Variants in CAPS2 observed in about 807,000 individuals in gnomAD.
CAPS2 encodes calcyphosine 2.
In CAPS2, 98 loss-of-function variants were observed where a neutral mutation model predicts 86.5. The ratio of observed to expected loss-of-function variants is 1.13; its 90% CI spans 0.96 to 1.34. The LOEUF (loss-of-function observed/expected upper bound fraction) is 1.34. Among genes scored for constraint, CAPS2 ranks in the 40% most tolerant of loss-of-function variants. CAPS2 has a pLI of 0.00. For missense variants in CAPS2, 729 were observed against 686.8 expected (o/e 1.06, Z -0.69); for synonymous variants, 210 against 225.1 (o/e 0.93, Z 0.60).
rs1470310601 is a variant in CAPS2 at position 75,390,694 on chromosome 12, A to G, written c.-395+144T>C. 6 of 431,524 alleles carry G rather than the reference A, an allele frequency of 1.4e-5. No homozygotes were observed. In the East Asian group the frequency reaches 4.3e-4, roughly 31 times the overall value. 26.7% of individuals were successfully genotyped at this position (431,524 alleles called of 1,614,324 possible). A position where few individuals can be genotyped will look rare whatever the true frequency, so the allele number is the denominator to read the frequency against. Reference sequence around the variant, plus strand: ...AAAAATCATTTCACCTGGCACAATTAGAAGGTTCCTCAGACCTGTTACTCA... The same window carrying G: ...AAAAATCATTTCACCTGGCACAATTGGAAGGTTCCTCAGACCTGTTACTCA... On this transcript the variant is annotated intron_variant, in intron 1 of 5. Coordinates refer to the CAPS2 transcript ENST00000551829.
chr12:75,324,093 A>G (rs1277197972), intron 2 of CAPS2, among the ~76,000 whole-genome samples: 1 of 152,266 alleles, frequency 6.6e-6, no homozygotes, highest in Non-Finnish European at 1.5e-5. Flanking sequence ...CACAGTGAAT[A>G]GCCCCAAAAT....
intron 11 of CAPS2, among the ~76,000 whole-genome samples, chr12:75,293,951 G>T (rs1420997168): frequency 6.6e-6 from 1 of 150,874 alleles, no homozygotes; most frequent in Non-Finnish European, 1.5e-5. Flanking sequence ...ATTTTTTTTT[G>T]AGATGGAGTC....
intron 14 of CAPS2, among the ~76,000 whole-genome samples, chr12:75,286,903 T>C (rs1363443279): frequency 6.6e-6 from 1 of 151,964 alleles, no homozygotes; most frequent in East Asian, 1.9e-4. Flanking sequence ...ATATAATTAC[T>C]GTAGTTTTTG....
At chr12:75,357,216 T>C (rs1235964764) in intron 1 of CAPS2, among the ~76,000 whole-genome samples, 1 of 152,098 alleles carries the variant, frequency 6.6e-6, no homozygotes. Flanking sequence ...TGCTGCACTG[T>C]TTACATTAGT....
chr12:75,299,027 A>G, intron 9 of CAPS2, 61 bp from the exon 10 acceptor site: 2 of 1,080,290 alleles, frequency 1.9e-6, no homozygotes, highest in Non-Finnish European at 2.7e-6. Context: ...TGAATTAACT[A>G]AAAAACATGT....
intron 1 of CAPS2, among the ~76,000 whole-genome samples, chr12:75,346,274 T>C (rs1037836207): frequency 4.6e-5 from 7 of 152,224 alleles, no homozygotes; most frequent in Non-Finnish European, 8.8e-5. Context: ...TTTAAAACAT[T>C]CAAAAGGAAA....
At chr12:75,312,399 A>G (rs1431621308) in intron 7 of CAPS2, among the ~76,000 whole-genome samples, 1 of 152,192 alleles carries the variant, frequency 6.6e-6, no homozygotes, top group Non-Finnish European at 1.5e-5. Context: ...TGAGTTTTCT[A>G]TAGTTGCTAT....
chr12:75,300,609 T>G (rs1357223376), intron 8 of CAPS2, among the ~76,000 whole-genome samples: 1 of 138,612 alleles, frequency 7.2e-6, no homozygotes, highest in Non-Finnish European at 1.6e-5. Context: ...CATCTTGCAA[T>G]TAAGGATGAG....
At chr12:75,295,112 T>A (rs1302344361) in intron 11 of CAPS2, 2 of 152,112 alleles carry the variant, frequency 1.3e-5, no homozygotes, top group African/African-American at 2.4e-5. Context: ...CCCGCCTGTG[T>A]AACAGCGAGA....
chr12:75,378,139 T>G (rs898455271), intron 1 of CAPS2, among the ~76,000 whole-genome samples: 10 of 151,836 alleles, frequency 6.6e-5, no homozygotes, highest in East Asian at 3.9e-4. Flanking sequence ...CTGGGACCAC[T>G]GGCACGTGCC....
intron 7 of CAPS2, among the ~76,000 whole-genome samples, chr12:75,306,985 C>T (rs1157742290): frequency 1.3e-5 from 2 of 151,836 alleles, no homozygotes; most frequent in Non-Finnish European, 2.9e-5. Context: ...AGTAAGGGTA[C>T]CACAAGCAGA....
At chr12:75,350,488 G>T (rs1249935681) in intron 1 of CAPS2, among the ~76,000 whole-genome samples, 1 of 152,182 alleles carries the variant, frequency 6.6e-6, no homozygotes, top group Non-Finnish European at 1.5e-5. Flanking sequence ...ATGCCCAGTG[G>T]AAAGATCAGG....
intron 6 of CAPS2, among the ~76,000 whole-genome samples, chr12:75,313,814 A>T (rs1052238382): frequency 1.3e-5 from 2 of 152,256 alleles, no homozygotes; most frequent in African/African-American, 4.8e-5. Flanking sequence ...AATATCAAAT[A>T]AGAATGTCTA....
At chr12:75,379,312 C>A (rs2044829953) in intron 1 of CAPS2, among the ~76,000 whole-genome samples, 1 of 152,220 alleles carries the variant, frequency 6.6e-6, no homozygotes, top group South Asian at 2.1e-4. Flanking sequence ...ACTTTGGGTC[C>A]ATGCTAAAGC....
At chr12:75,329,708 C>T, upstream of CAPS2, 2 of 658,712 alleles carry the variant, frequency 3.0e-6, no homozygotes, top group South Asian at 3.4e-5. Flanking sequence ...TGATCCCAGA[C>T]GACTACAGAC....
At chr12:75,276,783 CAT>C, downstream of CAPS2, 1 of 891,464 alleles carries the variant, frequency 1.1e-6, no homozygotes, top group Non-Finnish European at 1.3e-6. Flanking sequence ...CTTACAAAGA[CAT>C]AGAGATCTAT....
exon 10 of CAPS2, chr12:75,298,915 G>C (rs1387815236): frequency 6.2e-7 from 1 of 1,610,694 alleles, no homozygotes; most frequent in African/African-American, 1.3e-5. Flanking sequence ...TAAGGGATTG[G>C]TCATGAGTGA....
chr12:75,375,905 G>A (rs972514879), intron 1 of CAPS2, among the ~76,000 whole-genome samples: 2 of 152,150 alleles, frequency 1.3e-5, no homozygotes, highest in African/African-American at 4.8e-5. Context: ...GAGTGACTGT[G>A]GTTCCCACTG....
chr12:75,285,140 A>G (rs1593209435), intron 14 of CAPS2, 60 bp from the exon 15 acceptor site: 4 of 1,519,082 alleles, frequency 2.6e-6, no homozygotes, highest in Admixed American at 1.9e-5. Flanking sequence ...CAACAAAATC[A>G]TCTTAGTTGT....
Sources: allele counts gnomAD v4.1 joint callset (sites outside exome capture counted in the v4.1 genomes callset), GRCh38; gene constraint gnomAD v4.1.1; transcripts MANE v1.5; gene names NCBI Gene and HGNC (gene_info 2026-07-23, HGNC 2026-07-21).